NRXN3: variants seen among roughly 807,000 people sequenced by gnomAD.
The protein encoded by NRXN3 is neurexin III.
A neutral mutation model predicts 137.6 loss-of-function variants in NRXN3; 32 were observed. The observed-to-expected ratio is 0.23, with a 90% CI of 0.18 to 0.31. NRXN3 has a LOEUF of 0.31. NRXN3 is among the 10% of genes least tolerant of loss of function. The pLI, the probability that NRXN3 is intolerant of heterozygous loss-of-function variation, is 1.00. For synonymous variants in NRXN3, 798 were observed against 784.5 expected (o/e 1.02, Z -0.29); for missense variants, 1,574 against 2,062.5 (o/e 0.76, Z 4.59).
chr14:79,307,263 C>G (rs892801311), intron 15 of NRXN3, among the ~76,000 whole-genome samples: 1 of 152,042 alleles, frequency 6.6e-6, no homozygotes, highest in Admixed American at 6.6e-5. Context: ...ATTGACAGAG[C>G]TGGAATTGGA....
At chr14:78,364,201 G>A (rs1157447358) in intron 4 of NRXN3, among the ~76,000 whole-genome samples, 3 of 152,192 alleles carry the variant, frequency 2.0e-5, no homozygotes, top group Non-Finnish European at 4.4e-5. Context: ...AACTTGTAAT[G>A]TTACTCGGAA....
chr14:78,305,119 C>T (rs749570411), intron 4 of NRXN3, among the ~76,000 whole-genome samples: 2 of 152,106 alleles, frequency 1.3e-5, no homozygotes, highest in Non-Finnish European at 2.9e-5. Context: ...TGATCAGTTA[C>T]CAAGAATCCT....
At chr14:79,563,655 A>C (rs550449848) in intron 16 of NRXN3, among the ~76,000 whole-genome samples, 1 of 108,254 alleles carries the variant, frequency 9.2e-6, no homozygotes, top group Admixed American at 1.1e-4. Flanking sequence ...GCTTCCCACA[A>C]ATAATGTTAA....
At chr14:79,048,263 TG>T in intron 15 of NRXN3, among the ~76,000 whole-genome samples, 1 of 152,162 alleles carries the variant, frequency 6.6e-6, no homozygotes. Context: ...CTATGAGTAT[TG>T]GCAGGAAGGG....
rs896687669 is a variant in NRXN3, at chr14:79,863,082, C to T, written c.*1118C>T. 6.6e-6 allele frequency: 1 copy of T among 152,518 alleles called. No homozygotes were observed. Among genetic ancestry groups the T allele is most frequent in the Non-Finnish European group, 1.5e-5 (1 of 68,034 alleles). The allele number at this position is 152,518 out of a possible 1,614,324, so 9.4% of individuals were successfully genotyped here. On this transcript the variant is annotated 3_prime_UTR_variant, in exon 21 of 21. Coordinates refer to ENST00000335750, the MANE Select transcript of NRXN3 (RefSeq NM_001330195.2). ...TAGGGGAGTTCAACTCGTGATGGAACCACAAAAGGTCACACAAGCCAACCA... is the reference window on the plus strand; with the variant it reads ...TAGGGGAGTTCAACTCGTGATGGAATCACAAAAGGTCACACAAGCCAACCA...
At chr14:79,790,246 T>A (rs965049068) in intron 19 of NRXN3, among the ~76,000 whole-genome samples, 2 of 151,988 alleles carry the variant, frequency 1.3e-5, no homozygotes, top group Admixed American at 6.6e-5. Flanking sequence ...TCACTCATGG[T>A]GAATGGCAAA....
intron 4 of NRXN3, among the ~76,000 whole-genome samples, chr14:78,471,953 G>A (rs1369901505): frequency 6.6e-6 from 1 of 152,192 alleles, no homozygotes; most frequent in East Asian, 1.9e-4. Flanking sequence ...TCTGATTTTG[G>A]TTAGGAAGGG....
chr14:78,577,712 G>A (rs1188246550), intron 4 of NRXN3, among the ~76,000 whole-genome samples: 4 of 152,102 alleles, frequency 2.6e-5, no homozygotes, highest in African/African-American at 7.2e-5. Context: ...TGATCCACCC[G>A]CCTCGGCCTC....
intron 3 of NRXN3, among the ~76,000 whole-genome samples, chr14:78,288,464 G>A (rs2075428083): frequency 6.6e-6 from 1 of 152,092 alleles, no homozygotes; most frequent in Non-Finnish European, 1.5e-5. Context: ...TGTGCAGTTG[G>A]TTTATTTAAC....
At position 79,595,231 on chromosome 14, in the gene NRXN3, C is replaced by A. The variant is rs562767651; in HGVS notation, c.3445-68547C>A. On this transcript the variant is annotated intron_variant, in intron 16 of 20. Coordinates refer to ENST00000335750, the MANE Select transcript of NRXN3 (RefSeq NM_001330195.2). ...ATTGGAAGAACAGACAACCTACCTG[C>A]AGCACTTGCCCTGTCCTGTTCATAT... Among the ~76,000 whole-genome samples the A allele has an allele frequency of 3.9e-5, 6 of 152,270 alleles. No individual in the cohort carries two copies. The East Asian group carries it at 1.2e-3, about 29-fold the overall frequency.
chr14:79,466,641 A>G (rs1032999159), intron 15 of NRXN3, among the ~76,000 whole-genome samples: 7 of 152,136 alleles, frequency 4.6e-5, no homozygotes, highest in African/African-American at 1.7e-4. Flanking sequence ...TTATAGCAAC[A>G]CAATAGTGAA....
chr14:78,363,156 G>A (rs186563743), intron 4 of NRXN3, among the ~76,000 whole-genome samples: 5 of 152,208 alleles, frequency 3.3e-5, no homozygotes, highest in East Asian at 1.9e-4. Flanking sequence ...AGCCTGGCCC[G>A]GTTTGTTGCT....
chr14:79,280,391 TGGA>T (rs1456122282), intron 15 of NRXN3: 1 of 1,614,142 alleles, frequency 6.2e-7, no homozygotes, highest in Admixed American at 1.7e-5. Context: ...CAGCTCTGTA[TGGA>T]GTTCTTCTAA....
intron 10 of NRXN3, among the ~76,000 whole-genome samples, chr14:78,953,351 G>T (rs571435465): frequency 6.6e-6 from 1 of 152,250 alleles, no homozygotes; most frequent in African/African-American, 2.4e-5. Context: ...GTTCCATAGG[G>T]TTACTGTAGG....
At position 78,380,029 on chromosome 14, in the gene NRXN3, A is replaced by G. The variant is rs564932936; in HGVS notation, c.757+82169A>G. 4.1e-4 allele frequency among the ~76,000 whole-genome samples: 63 copies of G among 152,326 alleles called. 1 individual carries two copies. In the South Asian group the frequency reaches 0.013, roughly 31 times the overall value. ...AAAATACTTCAGTATAAATCTAACA[A>G]AATGTGCACAACTTGTATGCTGAAA... is the stretch of plus-strand genomic sequence containing the variant. On this transcript the variant is annotated intron_variant, in intron 4 of 20. Coordinates refer to ENST00000335750, the MANE Select transcript of NRXN3 (RefSeq NM_001330195.2).
At chr14:79,462,325 A>G (rs1297521751) in intron 15 of NRXN3, among the ~76,000 whole-genome samples, 1 of 152,086 alleles carries the variant, frequency 6.6e-6, no homozygotes, top group African/African-American at 2.4e-5. Flanking sequence ...GTGAGCCAAG[A>G]TCATGCCATT....
intron 11 of NRXN3, among the ~76,000 whole-genome samples, chr14:78,957,862 A>G: frequency 6.6e-6 from 1 of 152,224 alleles, no homozygotes; most frequent in East Asian, 1.9e-4. Context: ...TTTAATCATT[A>G]TTAATTATCT....
intron 4 of NRXN3, among the ~76,000 whole-genome samples, chr14:78,581,369 C>T (rs1037527903): frequency 6.6e-6 from 1 of 152,106 alleles, no homozygotes; most frequent in Non-Finnish European, 1.5e-5. Flanking sequence ...GAGGGCTGCT[C>T]TCTGCTTCCG....
intron 19 of NRXN3, among the ~76,000 whole-genome samples, chr14:79,703,634 C>G (rs2098764152): frequency 6.6e-6 from 1 of 151,878 alleles, no homozygotes; most frequent in South Asian, 2.1e-4. Flanking sequence ...GGGAAACTGC[C>G]CCCCTGATCC....
Sources: allele counts gnomAD v4.1 joint callset (sites outside exome capture counted in the v4.1 genomes callset), GRCh38; gene constraint gnomAD v4.1.1; transcripts MANE v1.5; gene names NCBI Gene and HGNC (gene_info 2026-07-23, HGNC 2026-07-21).